Variants in PYY observed in about 807,000 individuals in gnomAD.
PYY encodes the protein peptide tyrosine tyrosine.
A neutral mutation model predicts 10.3 loss-of-function variants in PYY; 12 were observed. That is an observed-to-expected ratio of 1.17 (90% CI 0.75 to 1.89). The LOEUF (loss-of-function observed/expected upper bound fraction) is 1.89. Ranked by LOEUF, PYY falls within the 40% of genes most tolerant of loss-of-function variation. The probability of loss-of-function intolerance (pLI) is 0.00; values close to 1 mark genes in which losing one functional copy is unlikely to be tolerated. For missense variants in PYY, 141 were observed against 134.0 expected (o/e 1.05, Z -0.26); for synonymous variants, 66 against 62.0 (o/e 1.06, Z -0.30).
intron 1 of PYY, among the ~76,000 whole-genome samples, chr17:44,003,828 A>T (rs985126398): frequency 4.6e-5 from 7 of 151,072 alleles, no homozygotes; most frequent in East Asian, 3.9e-4. Flanking sequence ...AAAAAAAATA[A>T]TTTTTTTTTA....
intron 1 of PYY, among the ~76,000 whole-genome samples, chr17:43,991,995 G>A (rs1442976629): frequency 6.6e-6 from 1 of 151,398 alleles, no homozygotes; most frequent in East Asian, 2.0e-4. Flanking sequence ...GGTGGCGGGC[G>A]CCTGTAGCCC....
rs1258628899 is a variant in PYY, at chr17:43,953,174, G to A, written c.204C>T (p.Asp68=). 1.2e-6 allele frequency: 2 copies of A among 1,613,702 alleles called. No individual in the cohort carries two copies. Among genetic ancestry groups the A allele is most frequent in the Non-Finnish European group, 1.7e-6 (2 of 1,179,810 alleles). ...TTTTGGAAAGAAGCGTGTCCGGGCC[G>A]TCTCTTTTCCCATACCTGGGGGCGG... is the stretch of plus-strand genomic sequence containing the variant. ...LVTRQRYGKR[D]GPDTLLSKTF... is the part of the protein sequence containing the mutation. Residue 68 remains aspartate (D), a synonymous_variant, in exon 3 of 4, where the codon GAC becomes GAT. Coordinates refer to ENST00000692052, the MANE Select transcript of PYY (RefSeq NM_001394028.1).
At chr17:43,976,441 ATG>A (rs2048848913) in intron 1 of PYY, among the ~76,000 whole-genome samples, 2 of 148,356 alleles carry the variant, frequency 1.3e-5, no homozygotes, top group Non-Finnish European at 3.0e-5. Flanking sequence ...ACACATATAC[ATG>A]TATACATATA....
chr17:43,990,030 T>C (rs1033017677), intron 1 of PYY, among the ~76,000 whole-genome samples: 7 of 151,498 alleles, frequency 4.6e-5, no homozygotes, highest in African/African-American at 7.3e-5. Flanking sequence ...ATGTTTTACC[T>C]GGTAAGATTT....
chr17:43,961,990 G>A (rs983004595), intron 2 of PYY, among the ~76,000 whole-genome samples: 3 of 151,828 alleles, frequency 2.0e-5, no homozygotes, highest in Non-Finnish European at 2.9e-5. Flanking sequence ...CCTACCTCAC[G>A]CATCTTTTCC....
At chr17:43,998,074 G>T (rs950842451) in intron 1 of PYY, among the ~76,000 whole-genome samples, 5 of 152,046 alleles carry the variant, frequency 3.3e-5, no homozygotes, top group African/African-American at 1.2e-4. Flanking sequence ...GAGAAGCTGG[G>T]ATTACAGATG....
intron 2 of PYY, among the ~76,000 whole-genome samples, chr17:43,963,637 A>AG (rs2048734622): frequency 2.0e-5 from 3 of 149,126 alleles, no homozygotes; most frequent in East Asian, 2.0e-4. Flanking sequence ...AGAAAGAAAG[A>AG]AAAGAGAGAA....
chr17:43,995,021 TCCGGGACTAC>T (rs886837728), intron 1 of PYY, among the ~76,000 whole-genome samples: 14 of 152,170 alleles, frequency 9.2e-5, no homozygotes, highest in Non-Finnish European at 1.3e-4. Context: ...ACGCGGCCAG[TCCGGGACTAC>T]CCGGGACTAC....
intron 1 of PYY, among the ~76,000 whole-genome samples, chr17:43,981,381 CAT>C (rs1169221972): frequency 2.0e-5 from 3 of 152,170 alleles, no homozygotes; most frequent in Non-Finnish European, 4.4e-5. Context: ...TACTTGGCAT[CAT>C]GTTTGTCTTT....
At chr17:43,996,495 C>T (rs1472322889) in intron 1 of PYY, among the ~76,000 whole-genome samples, 1 of 152,114 alleles carries the variant, frequency 6.6e-6, no homozygotes, top group Non-Finnish European at 1.5e-5. Context: ...GACAGTGTCT[C>T]ACTCTGTCAC....
At chr17:44,003,469 A>G (rs2049044680) in intron 1 of PYY, among the ~76,000 whole-genome samples, 1 of 151,336 alleles carries the variant, frequency 6.6e-6, no homozygotes, top group African/African-American at 2.4e-5. Flanking sequence ...ATCCTGGCCA[A>G]CATGGTGAAA....
chr17:43,956,159 C>T (rs568403458), upstream of PYY, among the ~76,000 whole-genome samples: 1 of 151,980 alleles, frequency 6.6e-6, no homozygotes, highest in Non-Finnish European at 1.5e-5. Context: ...GGCCTGAATT[C>T]GGGCTACAAC....
At chr17:43,970,725 C>G (rs2048787127) in intron 1 of PYY, among the ~76,000 whole-genome samples, 1 of 152,192 alleles carries the variant, frequency 6.6e-6, no homozygotes, top group South Asian at 2.1e-4. Flanking sequence ...CTAGTACTAT[C>G]CCTGTGTGGT....
intron 1 of PYY, among the ~76,000 whole-genome samples, chr17:44,003,817 C>CA (rs1390726878): frequency 6.6e-6 from 1 of 151,268 alleles, no homozygotes; most frequent in South Asian, 2.1e-4. Flanking sequence ...CACCCGTCTT[C>CA]AAAAAAAATA....
intron 1 of PYY, among the ~76,000 whole-genome samples, chr17:43,978,472 G>A (rs1047239228): frequency 4.6e-5 from 7 of 152,054 alleles, no homozygotes; most frequent in Admixed American, 2.0e-4. Flanking sequence ...TCTGGACAAT[G>A]TAGCGAGACT....
chr17:43,970,127 G>A (rs985256556), intron 1 of PYY, among the ~76,000 whole-genome samples: 3 of 148,356 alleles, frequency 2.0e-5, no homozygotes, highest in Admixed American at 6.9e-5. Flanking sequence ...CTTAAACCCA[G>A]GAGTGTGAGG....
chr17:43,958,595 G>A (rs1159553049), upstream of PYY, among the ~76,000 whole-genome samples: 1 of 152,160 alleles, frequency 6.6e-6, no homozygotes, highest in Non-Finnish European at 1.5e-5. Context: ...GGCCAGGCTG[G>A]TCTCGAACTC....
intron 1 of PYY, among the ~76,000 whole-genome samples, chr17:43,970,156 A>G (rs2048781856): frequency 6.8e-6 from 1 of 147,544 alleles, no homozygotes; most frequent in Admixed American, 7.1e-5. Flanking sequence ...AGCCATGATC[A>G]CACCACTGTA....
intron 1 of PYY, among the ~76,000 whole-genome samples, chr17:44,003,711 A>G (rs2049048635): frequency 1.3e-5 from 2 of 150,848 alleles, no homozygotes; most frequent in African/African-American, 4.9e-5. Context: ...GGTCGAGTGA[A>G]GTAGCTCACA....
Sources: allele counts gnomAD v4.1 joint callset (sites outside exome capture counted in the v4.1 genomes callset), GRCh38; gene constraint gnomAD v4.1.1; transcripts MANE v1.5; gene names NCBI Gene and HGNC (gene_info 2026-07-23, HGNC 2026-07-21).